The following RFX2 variants were observed in gnomAD, a reference collection of about 807,000 sequenced individuals.
RFX2 encodes the protein DNA-binding protein RFX2.
Under a neutral mutation model 87.8 loss-of-function variants are expected in RFX2, and 20 were observed. That is an observed-to-expected ratio of 0.23 (90% CI 0.16 to 0.33). The LOEUF (loss-of-function observed/expected upper bound fraction) is 0.33, where lower values mean the gene tolerates loss of function less well. Among genes scored for constraint, RFX2 ranks in the 10% least tolerant of loss-of-function variants. RFX2 has a pLI of 1.00. For missense variants in RFX2, 767 were observed against 1,012.3 expected, an observed-to-expected ratio of 0.76 and a Z score of 3.29; for synonymous variants, 397 against 431.3, an observed-to-expected ratio of 0.92 and a Z score of 0.98.
Position 5,997,871 on chromosome 19 carries a change from T to G in RFX2, c.1860-658A>C, listed in dbSNP as rs1203878888. On this transcript the variant is annotated intron_variant, in intron 15 of 17. Coordinates refer to ENST00000303657, the MANE Select transcript of RFX2 (RefSeq NM_000635.4). This position sits in a 1 kb window ranked among gnomAD's most constrained non-coding sequence, Gnocchi z 4.2. ...ATTATATTCGGTGGCACGTGGAAATTACATGAAATTCACATTTTGGTGTCC... is the reference window on the plus strand; with the variant it reads ...ATTATATTCGGTGGCACGTGGAAATGACATGAAATTCACATTTTGGTGTCC... Among the ~76,000 whole-genome samples the G allele has an allele frequency of 6.6e-6, 1 of 152,164 alleles. No homozygotes were observed. Among genetic ancestry groups the G allele is most frequent in the Admixed American group, 6.5e-5 (1 of 15,272 alleles).
intron 15 of RFX2, among the ~76,000 whole-genome samples, chr19:6,000,892 G>GT (rs1025885261): frequency 2.6e-5 from 4 of 152,224 alleles, no homozygotes; most frequent in African/African-American, 4.8e-5. Context: ...GAACAGCTTT[G>GT]TTTTTTCCTG....
At chr19:5,995,240 G>T (rs1329755531) in intron 17 of RFX2, among the ~76,000 whole-genome samples, 1 of 152,160 alleles carries the variant, frequency 6.6e-6, no homozygotes, top group Non-Finnish European at 1.5e-5. Context: ...GGCCTCTGGG[G>T]TCCTCCCACC....
intron 1 of RFX2, among the ~76,000 whole-genome samples, chr19:6,070,331 G>A (rs550206692): frequency 6.6e-6 from 1 of 151,764 alleles, no homozygotes; most frequent in South Asian, 2.1e-4. Flanking sequence ...CAGTACAGGA[G>A]AGAAGACAGA....
intron 5 of RFX2, among the ~76,000 whole-genome samples, chr19:6,032,333 T>G (rs531684815): frequency 6.6e-6 from 1 of 152,294 alleles, no homozygotes; most frequent in African/African-American, 2.4e-5. Context: ...GGTTTCACCA[T>G]GTTGGCCAGG....
intron 1 of RFX2, among the ~76,000 whole-genome samples, chr19:6,086,495 A>G (rs1422321176): frequency 6.6e-6 from 1 of 152,256 alleles, no homozygotes; most frequent in Non-Finnish European, 1.5e-5. Context: ...TAGAAAAGGT[A>G]CAGGAAAAAT....
At position 6,026,336 on chromosome 19, in the gene RFX2, T is replaced by C. The variant is rs1435524454; in HGVS notation, c.523-99A>G. Reference sequence around the variant, plus strand: ...CAGCCAAGATTTGTTTTTATTAATATCCAAATAATGATTCGAGCTCCTACA... The same window carrying C: ...CAGCCAAGATTTGTTTTTATTAATACCCAAATAATGATTCGAGCTCCTACA... On this transcript the variant is annotated intron_variant, in intron 5 of 17. Transcript: ENST00000303657. The surrounding 1 kb of genome is among the most constrained non-coding windows in gnomAD (Gnocchi z 4.5). 18 of 984,694 alleles carry C rather than the reference T, an allele frequency of 1.8e-5. No individual in the cohort carries two copies. Among genetic ancestry groups the C allele is most frequent in the East Asian group, 1.7e-4 (7 of 40,762 alleles). The allele number at this position is 984,694 out of a possible 1,614,324, so 61.0% of individuals were successfully genotyped here.
At chr19:6,057,397 A>G (rs1185050528) in intron 1 of RFX2, 4 of 152,552 alleles carry the variant, frequency 2.6e-5, no homozygotes, top group Non-Finnish European at 5.9e-5. Flanking sequence ...CGCTGAGAGC[A>G]ATTTCTGGGC....
intron 1 of RFX2, among the ~76,000 whole-genome samples, chr19:6,070,095 T>G (rs951362792): frequency 0.034 from 55 of 1,640 alleles, no homozygotes; most frequent in African/African-American, 0.061. Context: ...GGATGGGATG[T>G]GGATGGGATG....
chr19:6,071,667 G>C (rs1019513342), intron 1 of RFX2, among the ~76,000 whole-genome samples: 24 of 152,180 alleles, frequency 1.6e-4, no homozygotes, highest in Non-Finnish European at 3.5e-4. Context: ...AGAAGATGCA[G>C]CAAAAGGGTC....
rs1273556871 is a variant in RFX2, at chr19:6,016,079, C to T, written c.779+11G>A. 14 of 1,579,952 alleles carry T rather than the reference C, an allele frequency of 8.9e-6. No individual in the cohort carries two copies. The highest frequency in any genetic ancestry group is 1.0e-5 in the Non-Finnish European group (12 of 1,160,818). On this transcript the variant is annotated intron_variant, in intron 7 of 17. Transcript: ENST00000303657. The surrounding 1 kb of genome is among the most constrained non-coding windows in gnomAD (Gnocchi z 5.4). ...GAGGAAGAACAGGTGGGCTGGGGAT[C>T]GTCTACCCACCTGGTGCCCAGCCGC...
intron 1 of RFX2, among the ~76,000 whole-genome samples, chr19:6,094,864 C>T (rs943220558): frequency 1.3e-5 from 2 of 152,178 alleles, no homozygotes; most frequent in African/African-American, 4.8e-5. Flanking sequence ...TGCAGTGGCT[C>T]ATGCCTGTAA....
At position 5,998,612 on chromosome 19, in the gene RFX2, C is replaced by A. The variant is rs2086449617; in HGVS notation, c.1860-1399G>T. On this transcript the variant is annotated intron_variant, in intron 15 of 17. Transcript: ENST00000303657. This position sits in a 1 kb window ranked among gnomAD's most constrained non-coding sequence, Gnocchi z 4.2. ...GCCCCCTCCTGTTCCTCCGGGCCCA[C>A]CCAGGTTGGCTTCCAAGCCCCCTTT... Among the ~76,000 whole-genome samples, 1 of 152,192 alleles carries A rather than the reference C, an allele frequency of 6.6e-6. No individual in the cohort carries two copies. Among genetic ancestry groups the A allele is most frequent in the Non-Finnish European group, 1.5e-5 (1 of 68,034 alleles).
At position 6,023,495 on chromosome 19, in the gene RFX2, C is replaced by G. The variant is rs139319658; in HGVS notation, c.597+2668G>C. Reference sequence around the variant, plus strand: ...TGCCAAAACAAGATCTAAGTTTATTCTGCCCGTGTGTGTGGTGAACTTTTT... The same window carrying G: ...TGCCAAAACAAGATCTAAGTTTATTGTGCCCGTGTGTGTGGTGAACTTTTT... On this transcript the variant is annotated intron_variant, in intron 6 of 17. Transcript: ENST00000303657. The surrounding 1 kb of genome is among the most constrained non-coding windows in gnomAD (Gnocchi z 4.9). 3.9e-5 allele frequency among the ~76,000 whole-genome samples: 6 copies of G among 152,372 alleles called. No homozygotes were observed. Among genetic ancestry groups the G allele is most frequent in the Admixed American group, 3.9e-4 (6 of 15,310 alleles).
chr19:6,048,284 A>T (rs1229539358), intron 1 of RFX2, among the ~76,000 whole-genome samples: 1 of 152,242 alleles, frequency 6.6e-6, no homozygotes, highest in Admixed American at 6.5e-5. Flanking sequence ...AGAAAGTATA[A>T]ACATATATTT....
rs963443980 is a variant in RFX2 at position 6,010,123 on chromosome 19, C to T, written c.1015+13G>A. The T allele has an allele frequency of 9.9e-6, 15 of 1,517,044 alleles. No homozygotes were observed. The highest frequency in any genetic ancestry group is 2.0e-4 in the Middle Eastern group (1 of 4,980). 94.0% of individuals were successfully genotyped at this position (1,517,044 alleles called of 1,614,324 possible). On this transcript the variant is annotated intron_variant, in intron 9 of 17. Coordinates refer to ENST00000303657, the MANE Select transcript of RFX2 (RefSeq NM_000635.4). The surrounding 1 kb of genome is among the most constrained non-coding windows in gnomAD (Gnocchi z 5.0). ...ATGGGAGCCCCGCCCCCGGGCCTGA[C>T]CGGGCCTCTCACCTATGTACTGCTG...
At position 6,024,905 on chromosome 19, in the gene RFX2, C is replaced by G. The variant is rs111612816; in HGVS notation, c.597+1258G>C. Among the ~76,000 whole-genome samples, 19 of 110,008 alleles carry G rather than the reference C, an allele frequency of 1.7e-4. No homozygotes were observed. Among genetic ancestry groups the G allele is most frequent in the South Asian group, 3.2e-4 (1 of 3,106 alleles). The allele number at this position is 110,008 out of a possible 152,430, so 72.2% of individuals were successfully genotyped here. A position where few individuals can be genotyped will look rare whatever the true frequency, so the allele number is the denominator to read the frequency against. ...ACGGGATCACGGTGAGGACGGGAGT[C>G]AGGACGGGATCACGGTGAGGACGGG... is the stretch of plus-strand genomic sequence containing the variant. On this transcript the variant is annotated intron_variant, in intron 6 of 17. Transcript: ENST00000303657. This position sits in a 1 kb window ranked among gnomAD's most constrained non-coding sequence, Gnocchi z 5.0.
Position 6,056,722 on chromosome 19 carries a change from G to T in RFX2, c.-8-9218C>A, listed in dbSNP as rs2087348263. Among the ~76,000 whole-genome samples, 1 of 152,224 alleles carries T rather than the reference G, an allele frequency of 6.6e-6. No individual in the cohort carries two copies. Among genetic ancestry groups the T allele is most frequent in the Non-Finnish European group, 1.5e-5 (1 of 68,040 alleles). On this transcript the variant is annotated intron_variant, in intron 1 of 17. Transcript: ENST00000303657. This position sits in a 1 kb window ranked among gnomAD's most constrained non-coding sequence, Gnocchi z 4.6. Reference sequence around the variant, plus strand: ...TGCTGTGGGAACTTGGACCCATTCAGTGACTGCCCTGCCGTCCTTGCTTTC... The same window carrying T: ...TGCTGTGGGAACTTGGACCCATTCATTGACTGCCCTGCCGTCCTTGCTTTC...
rs1375588359 is a variant in RFX2 at position 6,039,777 on chromosome 19, C to T, written c.522+203G>A. Among the ~76,000 whole-genome samples, 1 of 152,272 alleles carries T rather than the reference C, an allele frequency of 6.6e-6. No homozygotes were observed. The highest frequency in any genetic ancestry group is 1.9e-4 in the East Asian group (1 of 5,202). ...TCCTCCTCTTTATACCAATGGCCAA[C>T]TGAAGTTCAAAGAACTCTGCAGGCC... On this transcript the variant is annotated intron_variant, in intron 5 of 17. Coordinates refer to ENST00000303657, the MANE Select transcript of RFX2 (RefSeq NM_000635.4). The surrounding 1 kb of genome is among the most constrained non-coding windows in gnomAD (Gnocchi z 5.2).
chr19:6,063,762 C>T lies in RFX2; in HGVS notation c.-8-16258G>A, dbSNP rs2087472129. ...GAATACACTCTGGGGTGGGGCCGTC[C>T]TGGGCACCGCAGGGTGCTGGGCAGC... On this transcript the variant is annotated intron_variant, in intron 1 of 17. Coordinates refer to ENST00000303657, the MANE Select transcript of RFX2 (RefSeq NM_000635.4). This position sits in a 1 kb window ranked among gnomAD's most constrained non-coding sequence, Gnocchi z 4.0. Among the ~76,000 whole-genome samples, 1 of 152,192 alleles carries T rather than the reference C, an allele frequency of 6.6e-6. No individual in the cohort carries two copies.
Sources: gnomAD v4.1 joint callset for allele counts (sites outside exome capture counted in the v4.1 genomes callset) on GRCh38, gnomAD v4.1.1 for gene constraint, Gnocchi (gnomAD v3.1) non-coding constraint, MANE v1.5 for transcripts, NCBI Gene and HGNC (gene_info 2026-07-23, HGNC 2026-07-21) for gene names.